The following FRA10AC1 variants were observed in gnomAD, a reference collection of about 807,000 sequenced individuals.
FRA10AC1 encodes FRA10A associated CGG repeat 1, also known as protein FRA10AC1.
In FRA10AC1, 43 loss-of-function variants were observed where a neutral mutation model predicts 56.5. That is an observed-to-expected ratio of 0.76 (90% CI 0.60 to 0.98). The LOEUF (loss-of-function observed/expected upper bound fraction) is 0.98. Ranked by LOEUF, FRA10AC1 falls within the 50% of genes least tolerant of loss-of-function variation. The pLI is 0.00. For missense variants in FRA10AC1, 346 were observed against 351.8 expected (o/e 0.98, Z 0.13); for synonymous variants, 112 against 110.5 (o/e 1.01, Z -0.09).
intron 5 of FRA10AC1, among the ~76,000 whole-genome samples, chr10:93,694,614 T>C (rs1420047218): frequency 1.3e-5 from 2 of 149,340 alleles, no homozygotes; most frequent in African/African-American, 5.0e-5. Context: ...CTCGGGAGCC[T>C]GAGGTAGGAG....
At position 93,685,748 on chromosome 10, in the gene FRA10AC1, G is replaced by A. The variant is rs574357529; in HGVS notation, c.512-389C>T. Among the ~76,000 whole-genome samples, 18 of 149,540 alleles carry A rather than the reference G, an allele frequency of 1.2e-4. 2 individuals are homozygous for A. In the South Asian group the frequency reaches 3.4e-3, roughly 28 times the overall value. On this transcript the variant is annotated intron_variant, in intron 8 of 13. Coordinates refer to ENST00000359204, the MANE Select transcript of FRA10AC1 (RefSeq NM_145246.5). ...ACAAATACCCCCCCCAAAAAAAAAC[G>A]CACTTTCCAAAGTACACACACTTAT...
At chr10:93,685,097 A>C in intron 9 of FRA10AC1, 149 bp downstream of exon 9, 1 of 555,814 alleles carries the variant, frequency 1.8e-6, no homozygotes, top group African/African-American at 2.0e-5. Context: ...GAGGCTGAAA[A>C]GTTCTTTGAG....
intron 4 of FRA10AC1, among the ~76,000 whole-genome samples, chr10:93,696,554 C>G (rs914490660): frequency 6.6e-6 from 1 of 152,182 alleles, no homozygotes; most frequent in Non-Finnish European, 1.5e-5. Flanking sequence ...GGCAATTCCT[C>G]AAGGACCTAG....
chr10:93,688,321 T>G (rs1391901215), intron 7 of FRA10AC1, among the ~76,000 whole-genome samples: 1 of 152,134 alleles, frequency 6.6e-6, no homozygotes, highest in South Asian at 2.1e-4. Context: ...ATGGAGGAAG[T>G]AGCAAGATCA....
At chr10:93,686,603 A>G (rs992014001) in intron 8 of FRA10AC1, among the ~76,000 whole-genome samples, 3 of 151,856 alleles carry the variant, frequency 2.0e-5, no homozygotes, top group African/African-American at 7.2e-5. Flanking sequence ...GTTTTATGGC[A>G]TATGCAATTT....
intron 12 of FRA10AC1, 146 bp downstream of exon 12, chr10:93,676,507 C>T: frequency 8.0e-7 from 1 of 1,249,266 alleles, no homozygotes. Context: ...ACACTTTTGG[C>T]CTTTTTTCTA....
chr10:93,687,420 TTC>T lies in FRA10AC1; in HGVS notation c.493_494del (p.Glu165SerfsTer13), dbSNP rs1386374650. ...AAGAATTACCTTTTCCTGAAATTACTTCTTTTTCTACTCGCCACCTAAATCCA... is the reference window on the plus strand; with the variant it reads ...AAGAATTACCTTTTCCTGAAATTACTTTTTTCTACTCGCCACCTAAATCCA... ...KFGFRWRVEK[E>X]VISGKGQFFC... On this transcript the variant is annotated frameshift_variant, in exon 8 of 14. Transcript: ENST00000359204. LOFTEE classifies it high-confidence loss of function. 2.6e-6 allele frequency: 4 copies of T among 1,516,268 alleles called. No individual in the cohort carries two copies. The Admixed American group carries it at 8.0e-5, about 30-fold the overall frequency. The allele number at this position is 1,516,268 out of a possible 1,614,324, so 93.9% of individuals were successfully genotyped here.
chr10:93,702,288 C>T (rs1250777979), intron 1 of FRA10AC1, 87 bp downstream of exon 1: 2 of 151,664 alleles, frequency 1.3e-5, no homozygotes, highest in African/African-American at 2.4e-5. Context: ...CAAAAAAAAA[C>T]CCGACGATCA....
intron 6 of FRA10AC1, among the ~76,000 whole-genome samples, chr10:93,692,391 A>G (rs1392718700): frequency 6.6e-6 from 1 of 152,212 alleles, no homozygotes; most frequent in East Asian, 1.9e-4. Context: ...AGCAGCATAT[A>G]ATAACATATT....
At chr10:93,686,222 C>T (rs941334394) in intron 8 of FRA10AC1, among the ~76,000 whole-genome samples, 1 of 151,788 alleles carries the variant, frequency 6.6e-6, no homozygotes, top group Non-Finnish European at 1.5e-5. Context: ...AGACTTATTT[C>T]TAAATCAGCC....
chr10:93,671,761 A>G, intron 12 of FRA10AC1: 1 of 304,298 alleles, frequency 3.3e-6, no homozygotes, highest in East Asian at 9.3e-5. Flanking sequence ...TTATATACAT[A>G]CATGTAATTT....
At chr10:93,670,060 T>C (rs186067421) in intron 13 of FRA10AC1, among the ~76,000 whole-genome samples, 192 bp from the exon 14 acceptor site, 1 of 152,194 alleles carries the variant, frequency 6.6e-6, no homozygotes, top group African/African-American at 2.4e-5. Context: ...TATACCCAGA[T>C]TGATTAAAAT....
rs2058986371 is a variant in FRA10AC1, at chr10:93,684,246, A to G, written c.626-148T>C. ...CAAAGAAAACAATCTGACCTTCATCACCTCAAAAATGCAAATATATACACA... is the reference window on the plus strand; with the variant it reads ...CAAAGAAAACAATCTGACCTTCATCGCCTCAAAAATGCAAATATATACACA... On this transcript the variant is annotated intron_variant, in intron 9 of 13. Coordinates refer to ENST00000359204, the MANE Select transcript of FRA10AC1 (RefSeq NM_145246.5). 6.6e-6 allele frequency: 4 copies of G among 601,676 alleles called. No homozygotes were observed. The Admixed American group carries it at 1.1e-4, about 16-fold the overall frequency. The allele number at this position is 601,676 out of a possible 1,614,324, so 37.3% of individuals were successfully genotyped here. A position where few individuals can be genotyped will look rare whatever the true frequency, so the allele number is the denominator to read the frequency against.
At chr10:93,691,329 C>A (rs1045013915) in intron 7 of FRA10AC1, among the ~76,000 whole-genome samples, 22 of 152,110 alleles carry the variant, frequency 1.4e-4, no homozygotes, top group Admixed American at 5.9e-4. Context: ...GCATGCACCA[C>A]TGCACCTGGC....
At chr10:93,685,578 C>A in intron 8 of FRA10AC1, 2 of 362,068 alleles carry the variant, frequency 5.5e-6, no homozygotes. Context: ...GCTTGATAGA[C>A]TGTATTTAGA....
Position 93,702,523 on chromosome 10 carries a change from C to CCACCGCCGCCGCCGCCG in FRA10AC1, c.-150_-149insCGGCGGCGGCGGCGGTG. The CCACCGCCGCCGCCGCCG allele has an allele frequency of 4.2e-5, 2 of 47,926 alleles. No individual in the cohort carries two copies. The highest frequency in any genetic ancestry group is 1.0e-4 in the Non-Finnish European group (2 of 20,096). 3.0% of individuals were successfully genotyped at this position (47,926 alleles called of 1,614,324 possible). ...CCGCACAGCCTCGCCACAACCACCACCGCCGCCGCCGCCGCCGCCGCCGCC... is the reference window on the plus strand; with the variant it reads ...CCGCACAGCCTCGCCACAACCACCACCACCGCCGCCGCCGCCGCGCCGCCGCCGCCGCCGCCGCCGCC... On this transcript the variant is annotated 5_prime_UTR_variant, in exon 1 of 14. Transcript: ENST00000359204.
At chr10:93,686,487 G>A (rs988835050) in intron 8 of FRA10AC1, among the ~76,000 whole-genome samples, 1 of 151,594 alleles carries the variant, frequency 6.6e-6, no homozygotes, top group African/African-American at 2.4e-5. Context: ...TTAAAATTGT[G>A]ATAGACATTT....
chr10:93,683,564 T>C (rs1293136860), intron 10 of FRA10AC1, among the ~76,000 whole-genome samples: 1 of 152,172 alleles, frequency 6.6e-6, no homozygotes, highest in Non-Finnish European at 1.5e-5. Context: ...TTGGCCAGGC[T>C]GGTCTCGAAC....
intron 10 of FRA10AC1, among the ~76,000 whole-genome samples, chr10:93,682,168 C>A (rs1361452941): frequency 6.6e-6 from 1 of 152,104 alleles, no homozygotes; most frequent in Non-Finnish European, 1.5e-5. Context: ...TCTTCTAGAG[C>A]AGGTTTACAA....
Sources: allele counts gnomAD v4.1 joint callset (sites outside exome capture counted in the v4.1 genomes callset), GRCh38; gene constraint gnomAD v4.1.1; transcripts MANE v1.5; gene names NCBI Gene and HGNC (gene_info 2026-07-23, HGNC 2026-07-21).